The following HERC2 variants were observed in gnomAD, a reference collection of about 807,000 sequenced individuals.
HERC2 encodes the protein E3 ubiquitin-protein ligase HERC2.
A neutral mutation model predicts 537.7 loss-of-function variants in HERC2; 102 were observed. That is an observed-to-expected ratio of 0.19 (90% confidence interval 0.16 to 0.22). The LOEUF (loss-of-function observed/expected upper bound fraction) is 0.22, where lower values mean the gene tolerates loss of function less well. Ranked by LOEUF, HERC2 falls within the 10% of genes least tolerant of loss-of-function variation. HERC2 has a pLI of 1.00. For synonymous variants in HERC2, 2,224 were observed against 2,466.2 expected (o/e 0.90, Z 2.91); for missense variants, 4,236 against 6,198.2 (o/e 0.68, Z 10.63).
rs932250811 is a variant in HERC2, at chr15:28,265,085, A to G, written c.1870+533T>C. 1.3e-5 allele frequency among the ~76,000 whole-genome samples: 2 copies of G among 152,182 alleles called. No individual in the cohort carries two copies. Among genetic ancestry groups the G allele is most frequent in the African/African-American group, 2.4e-5 (1 of 41,452 alleles). On this transcript the variant is annotated intron_variant, in intron 14 of 92. Coordinates refer to ENST00000261609, the MANE Select transcript of HERC2 (RefSeq NM_004667.6). The surrounding 1 kb of genome is among the most constrained non-coding windows in gnomAD (Gnocchi z 4.0). ...AAAGACTCCACAACGCCAGAGACACACAAGATGCCAAGGACAGACCACCAC... is the reference window on the plus strand; with the variant it reads ...AAAGACTCCACAACGCCAGAGACACGCAAGATGCCAAGGACAGACCACCAC...
In HERC2 at chr15:28,274,462, G is replaced by C; in HGVS notation, c.644-15C>G. On this transcript the variant is annotated splice_polypyrimidine_tract_variant and intron_variant, in intron 6 of 92. Coordinates refer to ENST00000261609, the MANE Select transcript of HERC2 (RefSeq NM_004667.6). Reference sequence around the variant, plus strand: ...CGCATCCTCGCCTGGGCGCACACACGCGTCAGAGGAGCCCCCCCACTCCCC... The same window carrying C: ...CGCATCCTCGCCTGGGCGCACACACCCGTCAGAGGAGCCCCCCCACTCCCC... 1 of 1,594,296 alleles carries C rather than the reference G, an allele frequency of 6.3e-7. No homozygotes were observed. The highest frequency in any genetic ancestry group is 2.3e-5 in the East Asian group (1 of 43,712).
At chr15:28,194,981 G>A (rs186990526) in intron 52 of HERC2, among the ~76,000 whole-genome samples, 3 of 150,574 alleles carry the variant, frequency 2.0e-5, no homozygotes, top group Non-Finnish European at 3.0e-5. Flanking sequence ...GCTTGAGCCC[G>A]GGAGGTGTCA....
chr15:28,225,802 A>G (rs750398417), intron 35 of HERC2, among the ~76,000 whole-genome samples: 1 of 152,154 alleles, frequency 6.6e-6, no homozygotes, highest in Non-Finnish European at 1.5e-5. Context: ...AAGATTATAA[A>G]AGAACACTGT....
At chr15:28,125,229 C>T (rs1187763729) in intron 83 of HERC2, 36 bp from the exon 84 acceptor site, 1 of 1,549,020 alleles carries the variant, frequency 6.5e-7, no homozygotes, top group Non-Finnish European at 8.9e-7. Context: ...AACCTGTATA[C>T]TAGGGCCAAC....
intron 4 of HERC2, among the ~76,000 whole-genome samples, chr15:28,291,461 A>C (rs2076309253): frequency 6.6e-6 from 1 of 152,150 alleles, no homozygotes; most frequent in African/African-American, 2.4e-5. Context: ...CTGAATATCC[A>C]CACCGAAGGG....
At chr15:28,295,308 T>TGGGGGGGGGGGGGGGG (rs3079935) in intron 3 of HERC2, among the ~76,000 whole-genome samples, 4 of 79,622 alleles carry the variant, frequency 5.0e-5, no homozygotes, top group Non-Finnish European at 7.3e-5. Context: ...TACATGTGTG[T>TGGGGGGGGGGGGGGGG]GGGGGGGGGG....
chr15:28,116,222 CTTTT>C (rs11365574), intron 88 of HERC2, among the ~76,000 whole-genome samples: 21 of 126,496 alleles, frequency 1.7e-4, no homozygotes, highest in Non-Finnish European at 1.9e-4. Context: ...TTTTCTTTTT[CTTTT>C]TTTTTTTTTT....
chr15:28,169,384 C>T, intron 66 of HERC2, 100 bp downstream of exon 66: 1 of 836,408 alleles, frequency 1.2e-6, no homozygotes. Flanking sequence ...GACAATAATA[C>T]AACATTCTTG....
intron 4 of HERC2, among the ~76,000 whole-genome samples, chr15:28,291,460 C>T (rs939671600): frequency 1.3e-5 from 2 of 152,032 alleles, no homozygotes; most frequent in Non-Finnish European, 2.9e-5. Context: ...CCTGAATATC[C>T]ACACCGAAGG....
rs751352652 is a variant in HERC2 at position 28,176,377 on chromosome 15, G to A, written c.9686+51C>T. 1 of 1,586,252 alleles carries A rather than the reference G, an allele frequency of 6.3e-7. No homozygotes were observed. The highest frequency in any genetic ancestry group is 1.1e-5 in the South Asian group (1 of 89,746). ...GCCTGGGGCGAGGCCCAGGTTCCCT[G>A]CACACACCTGCACAAGCACACACAG... On this transcript the variant is annotated intron_variant, in intron 63 of 92. Transcript: ENST00000261609. The surrounding 1 kb of genome is among the most constrained non-coding windows in gnomAD (Gnocchi z 5.0).
chr15:28,177,266 G>A lies in HERC2; in HGVS notation c.9255-139C>T, dbSNP rs1220896393. 5 of 1,209,424 alleles carry A rather than the reference G, an allele frequency of 4.1e-6. No homozygotes were observed. The highest frequency in any genetic ancestry group is 2.2e-5 in the Admixed American group (1 of 44,656). The allele number at this position is 1,209,424 out of a possible 1,614,324, so 74.9% of individuals were successfully genotyped here. A position where few individuals can be genotyped will look rare whatever the true frequency, so the allele number is the denominator to read the frequency against. On this transcript the variant is annotated intron_variant, in intron 60 of 92. Transcript: ENST00000261609. The surrounding 1 kb of genome is among the most constrained non-coding windows in gnomAD (Gnocchi z 5.0). ...TATCAAAACTTAAAGCAGAACCGGT[G>A]AGACCAAAACACAAACAACCGTGTT...
chr15:28,269,890 G>T (rs1420766759), intron 10 of HERC2, among the ~76,000 whole-genome samples: 1 of 152,240 alleles, frequency 6.6e-6, no homozygotes, highest in African/African-American at 2.4e-5. Context: ...CATGTGCACG[G>T]GCACACACAC....
At chr15:28,280,367 G>A in intron 4 of HERC2, 80 bp from the exon 5 acceptor site, 3 of 1,174,774 alleles carry the variant, frequency 2.6e-6, no homozygotes, top group South Asian at 2.9e-5. Context: ...AATGGATGAT[G>A]ACGACAGGTA....
intron 65 of HERC2, among the ~76,000 whole-genome samples, chr15:28,173,353 C>T (rs781470195): frequency 2.6e-5 from 4 of 151,674 alleles, no homozygotes; most frequent in Non-Finnish European, 5.9e-5. Flanking sequence ...AAACAAATTG[C>T]ATTTGTTTAT....
chr15:28,318,155 T>C (rs1442000430), intron 2 of HERC2, among the ~76,000 whole-genome samples: 3 of 152,284 alleles, frequency 2.0e-5, no homozygotes, highest in African/African-American at 7.2e-5. Context: ...TATAGTTCCT[T>C]TGCTTAACTG....
chr15:28,188,981 G>T (rs1198276786), intron 55 of HERC2, among the ~76,000 whole-genome samples: 1 of 152,068 alleles, frequency 6.6e-6, no homozygotes, highest in African/African-American at 2.4e-5. Flanking sequence ...CCAGCTACTC[G>T]GAAGGCTGCG....
chr15:28,124,831 T>G (rs550080407), intron 84 of HERC2, among the ~76,000 whole-genome samples, 175 bp downstream of exon 84: 3 of 152,364 alleles, frequency 2.0e-5, no homozygotes, highest in African/African-American at 7.2e-5. Flanking sequence ...ATTACAGGTG[T>G]GAGCCACCAC....
chr15:28,173,252 A>T (rs1894868114), intron 65 of HERC2, among the ~76,000 whole-genome samples: 1 of 152,212 alleles, frequency 6.6e-6, no homozygotes, highest in Non-Finnish European at 1.5e-5. Context: ...GTGGATGTCC[A>T]TACACAAACT....
chr15:28,195,405 G>A (rs1210200120), intron 52 of HERC2, among the ~76,000 whole-genome samples: 3 of 152,164 alleles, frequency 2.0e-5, no homozygotes, highest in Non-Finnish European at 4.4e-5. Context: ...AGGTTGCACT[G>A]AGCCAAGATC....
Sources: gnomAD v4.1 joint callset for allele counts (sites outside exome capture counted in the v4.1 genomes callset) on GRCh38, gnomAD v4.1.1 for gene constraint, Gnocchi (gnomAD v3.1) non-coding constraint, MANE v1.5 for transcripts, NCBI Gene and HGNC (gene_info 2026-07-23, HGNC 2026-07-21) for gene names.